RALGAPB: variants seen among roughly 807,000 people sequenced by gnomAD.
RALGAPB encodes the protein Ral GTPase activating protein non-catalytic subunit beta.
In RALGAPB, 25 loss-of-function variants were observed where a neutral mutation model predicts 161.1. The ratio of observed to expected loss-of-function variants is 0.16; its 90% confidence interval spans 0.11 to 0.22. The LOEUF is 0.22. RALGAPB is among the 10% of genes least tolerant of loss of function. The probability of loss-of-function intolerance (pLI) is 1.00; values close to 1 mark genes in which losing one functional copy is unlikely to be tolerated. For missense variants in RALGAPB, 1,391 were observed against 1,815.2 expected, an observed-to-expected ratio of 0.77 and a Z score of 4.25; for synonymous variants, 629 against 626.1, an observed-to-expected ratio of 1.00 and a Z score of -0.07.
intron 15 of RALGAPB, 102 bp from the exon 16 acceptor site, chr20:38,534,972 T>C (rs1219956720): frequency 4.3e-6 from 6 of 1,383,590 alleles, no homozygotes; most frequent in Admixed American, 3.7e-5. Context: ...TCGTTCTCAC[T>C]GTGGCTGCTG....
intron 28 of RALGAPB, 58 bp downstream of exon 28, chr20:38,570,905 G>A: frequency 9.1e-7 from 1 of 1,102,502 alleles, no homozygotes; most frequent in Non-Finnish European, 1.3e-6. Context: ...ATTGATTGCA[G>A]CTTAATAAAT....
chr20:38,524,449 G>A (rs956422419), intron 10 of RALGAPB, among the ~76,000 whole-genome samples: 2 of 151,840 alleles, frequency 1.3e-5, no homozygotes, highest in Non-Finnish European at 2.9e-5. Flanking sequence ...CTAGAACTTT[G>A]AGTTGCAAGG....
rs772303595 is a variant in RALGAPB, at chr20:38,517,878, T to C, written c.1295T>C (p.Leu432Pro). The stretch of plus-strand genomic sequence containing the variant: ...CAGACTAGTTCAGAACCCCGGCCAC[T>C]GCCTGCCCCTCGGAGACCAAAGGTT... ...PNQTSSEPRP[L>P]PAPRRPKVNS... Residue 432 changes from leucine to proline, a missense_variant, in exon 9 of 30, where the codon CTG becomes CCG. Physicochemically the swap from Leu to Pro is moderately conservative, Grantham distance 98 (BLOSUM62 -3). Coordinates refer to ENST00000262879, the MANE Select transcript of RALGAPB (RefSeq NM_020336.4). The C allele has an allele frequency of 3.1e-6, 5 of 1,613,716 alleles. No homozygotes were observed. Among genetic ancestry groups the C allele is most frequent in the Non-Finnish European group, 8.5e-7 (1 of 1,179,718 alleles).
At chr20:38,475,392 A>G (rs983001785) in intron 1 of RALGAPB, among the ~76,000 whole-genome samples, 5 of 152,150 alleles carry the variant, frequency 3.3e-5, no homozygotes, top group African/African-American at 1.2e-4. Flanking sequence ...CCATTGCCCC[A>G]TTTGCCATAT....
At chr20:38,480,282 G>C (rs985261793) in intron 1 of RALGAPB, among the ~76,000 whole-genome samples, 1 of 148,970 alleles carries the variant, frequency 6.7e-6, no homozygotes, top group Non-Finnish European at 1.5e-5. Context: ...TCTACATATA[G>C]CTTTCTTTCC....
At position 38,577,728 on chromosome 20, in the gene RALGAPB, C is replaced by CACAT. The variant is rs1306345286; in HGVS notation, c.*2764_*2765insTACA. The CACAT allele has an allele frequency of 6.5e-6, 1 of 152,906 alleles. No homozygotes were observed. Among genetic ancestry groups the CACAT allele is most frequent in the Non-Finnish European group, 1.5e-5 (1 of 68,830 alleles). 9.5% of individuals were successfully genotyped at this position (152,906 alleles called of 1,614,324 possible). On this transcript the variant is annotated 3_prime_UTR_variant, in exon 30 of 30. Coordinates refer to ENST00000262879, the MANE Select transcript of RALGAPB (RefSeq NM_020336.4). ...ACACACACACACACACACACACACA[C>CACAT]ACACTCGCATACTCATGCACATTTT... is the stretch of plus-strand genomic sequence containing the variant.
chr20:38,567,876 A>C (rs1396837703), intron 26 of RALGAPB, among the ~76,000 whole-genome samples: 1 of 152,226 alleles, frequency 6.6e-6, no homozygotes, highest in Admixed American at 6.5e-5. Context: ...TTTTTAATGT[A>C]AGTGTATGCT....
chr20:38,475,700 C>T (rs1354702152), intron 1 of RALGAPB, among the ~76,000 whole-genome samples: 2 of 151,482 alleles, frequency 1.3e-5, no homozygotes, highest in African/African-American at 2.4e-5. Context: ...CTACAACCTC[C>T]GCCTCCTGGG....
chr20:38,485,071 A>G (rs1018697760), intron 1 of RALGAPB, among the ~76,000 whole-genome samples: 3 of 152,230 alleles, frequency 2.0e-5, no homozygotes, highest in African/African-American at 7.2e-5. Context: ...TCCTCAATTT[A>G]TATGATTAAT....
Position 38,518,026 on chromosome 20 carries a change from A to T in RALGAPB, c.1417+26A>T, listed in dbSNP as rs147980602. 3.9e-3 allele frequency: 6,099 copies of T among 1,565,142 alleles called. 33 individuals carry two copies. Among genetic ancestry groups the T allele is most frequent in the Middle Eastern group, 6.0e-3 (36 of 5,960 alleles). ...GTAAATATTACTCAAGAAATATGTT[A>T]TCATTATTTTCCTTTTCCTTTTTCT... is the stretch of plus-strand genomic sequence containing the variant. On this transcript the variant is annotated intron_variant, in intron 9 of 29. Transcript: ENST00000262879.
intron 1 of RALGAPB, among the ~76,000 whole-genome samples, chr20:38,473,561 A>G (rs576928387): frequency 2.6e-5 from 4 of 152,296 alleles, no homozygotes; most frequent in Middle Eastern, 3.4e-3. Context: ...CTCCACGTCT[A>G]ACTTCACAGC....
At chr20:38,477,752 T>C (rs879748916) in intron 1 of RALGAPB, among the ~76,000 whole-genome samples, 3 of 152,212 alleles carry the variant, frequency 2.0e-5, no homozygotes, top group Non-Finnish European at 4.4e-5. Context: ...GTTGCTTTAT[T>C]TGATCCTTCT....
Position 38,497,528 on chromosome 20 carries a change from T to A in RALGAPB, c.553+12T>A. The stretch of plus-strand genomic sequence containing the variant: ...ACCAACTGTTCAAGGTTTGTTTATT[T>A]TTTTTTTTCTAATTTATTTCTGAGC... On this transcript the variant is annotated intron_variant, in intron 4 of 29. Coordinates refer to ENST00000262879, the MANE Select transcript of RALGAPB (RefSeq NM_020336.4). 6.3e-7 allele frequency: 1 copy of A among 1,592,064 alleles called. No individual in the cohort carries two copies. Among genetic ancestry groups the A allele is most frequent in the Non-Finnish European group, 8.5e-7 (1 of 1,173,530 alleles).
chr20:38,527,935 G>A (rs906602947), intron 13 of RALGAPB, among the ~76,000 whole-genome samples: 6 of 152,130 alleles, frequency 3.9e-5, no homozygotes, highest in African/African-American at 1.4e-4. Flanking sequence ...GAGAAGCAGT[G>A]TGTTAGGCTC....
chr20:38,558,004 A>G (rs1191580270), intron 22 of RALGAPB, among the ~76,000 whole-genome samples: 1 of 152,228 alleles, frequency 6.6e-6, no homozygotes, highest in African/African-American at 2.4e-5. Flanking sequence ...ATGAGAAAAA[A>G]AGTACATTAA....
intron 13 of RALGAPB, among the ~76,000 whole-genome samples, chr20:38,527,026 A>G (rs1221032267): frequency 1.3e-5 from 2 of 152,128 alleles, no homozygotes; most frequent in Non-Finnish European, 2.9e-5. Context: ...AGGAGTCCCC[A>G]CTGAACCATG....
chr20:38,531,024 G>A, intron 13 of RALGAPB, 143 bp from the exon 14 acceptor site: 1 of 665,102 alleles, frequency 1.5e-6, no homozygotes, highest in Non-Finnish European at 2.5e-6. Flanking sequence ...TCTTGTTTAA[G>A]AGCCAACTAT....
intron 23 of RALGAPB, among the ~76,000 whole-genome samples, chr20:38,561,100 C>A (rs571802118): frequency 6.6e-6 from 1 of 152,060 alleles, no homozygotes. Flanking sequence ...CCGAGGCGCG[C>A]GGATCACGAG....
chr20:38,486,480 T>C (rs2085120042), intron 1 of RALGAPB, among the ~76,000 whole-genome samples: 1 of 152,150 alleles, frequency 6.6e-6, no homozygotes, highest in African/African-American at 2.4e-5. Flanking sequence ...TAGTGGCCAT[T>C]TCTTAAAAAT....
Sources: gnomAD v4.1 joint callset for allele counts (sites outside exome capture counted in the v4.1 genomes callset) on GRCh38, gnomAD v4.1.1 for gene constraint, MANE v1.5 for transcripts, NCBI Gene and HGNC (gene_info 2026-07-23, HGNC 2026-07-21) for gene names.